Variants in CYB5B observed in about 807,000 individuals in gnomAD.
CYB5B encodes cytochrome b5 type B, also known as cytochrome b5 type B (outer mitochondrial membrane).
CYB5B carries 14 observed loss-of-function variants against 21.3 expected under a neutral mutation model. The ratio of observed to expected loss-of-function variants is 0.66; its 90% CI spans 0.43 to 1.03. The LOEUF is 1.03. Among genes scored for constraint, CYB5B ranks in the 50% least tolerant of loss-of-function variants. The pLI is 0.00. For missense variants in CYB5B, 166 were observed against 185.1 expected, an observed-to-expected ratio of 0.90 and a Z score of 0.60; for synonymous variants, 69 against 68.4, an observed-to-expected ratio of 1.01 and a Z score of -0.04.
At chr16:69,442,020 A>G (rs915395400) in intron 1 of CYB5B, among the ~76,000 whole-genome samples, 2 of 152,214 alleles carry the variant, frequency 1.3e-5, no homozygotes, top group African/African-American at 4.8e-5. Context: ...AGAATGAACA[A>G]TACAGGGAGA....
intron 3 of CYB5B, among the ~76,000 whole-genome samples, chr16:69,458,094 A>C (rs2014999311): frequency 6.6e-6 from 1 of 152,208 alleles, no homozygotes; most frequent in Admixed American, 6.5e-5. Flanking sequence ...GGAATCAATA[A>C]CTCGTTTGAT....
chr16:69,437,492 AT>A (rs1463109116), intron 1 of CYB5B, among the ~76,000 whole-genome samples: 2 of 152,328 alleles, frequency 1.3e-5, no homozygotes, highest in African/African-American at 4.8e-5. Context: ...ACTACTGAGC[AT>A]AACCCCCCCA....
chr16:69,453,123 C>T (rs2014952233), intron 3 of CYB5B, among the ~76,000 whole-genome samples: 1 of 151,888 alleles, frequency 6.6e-6, no homozygotes, highest in African/African-American at 2.4e-5. Context: ...ATAAAATTGT[C>T]TCCATAGAGG....
chr16:69,440,745 C>CGTGTGTGTGTGTGTGTGT (rs56008000), intron 1 of CYB5B, among the ~76,000 whole-genome samples: 11,340 of 146,292 alleles, frequency 0.078, 562 homozygotes, highest in African/African-American at 0.12. Context: ...GTGTGTGTTG[C>CGTGTGTGTGTGTGTGTGT]GTGTGTGTGT....
chr16:69,430,693 G>A lies in CYB5B; in HGVS notation c.174+5836G>A, dbSNP rs182345122. ...TAAAACTTTTTTTTTTTTTTTTTGA[G>A]ACAGAGTTTCACTCTTGTCGCCCAG... On this transcript the variant is annotated intron_variant, in intron 1 of 4. Coordinates refer to ENST00000307892, the MANE Select transcript of CYB5B (RefSeq NM_030579.3). 2.3e-4 allele frequency among the ~76,000 whole-genome samples: 32 copies of A among 139,102 alleles called. No homozygotes were observed. In the East Asian group the frequency reaches 6.3e-3, roughly 27 times the overall value. 91.3% of individuals were successfully genotyped at this position (139,102 alleles called of 152,430 possible). A position where few individuals can be genotyped will look rare whatever the true frequency, so the allele number is the denominator to read the frequency against.
chr16:69,450,956 T>G (rs2142822606), intron 3 of CYB5B, among the ~76,000 whole-genome samples: 1 of 152,328 alleles, frequency 6.6e-6, no homozygotes, highest in South Asian at 2.1e-4. Context: ...CTAATTCTTT[T>G]AGAAAACACC....
At chr16:69,445,510 A>G (rs2014868936) in intron 1 of CYB5B, among the ~76,000 whole-genome samples, 2 of 152,246 alleles carry the variant, frequency 1.3e-5, no homozygotes, top group African/African-American at 4.8e-5. Context: ...AGTAAAAAGC[A>G]TTAATATTTC....
intron 3 of CYB5B, chr16:69,449,096 G>A (rs1040087073): frequency 1.3e-5 from 2 of 152,064 alleles, no homozygotes; most frequent in Non-Finnish European, 2.9e-5. Flanking sequence ...CTGCTACTCT[G>A]AACTATTGAA....
intron 1 of CYB5B, among the ~76,000 whole-genome samples, chr16:69,438,514 A>G (rs1307235318): frequency 6.7e-6 from 1 of 149,202 alleles, no homozygotes; most frequent in Non-Finnish European, 1.5e-5. Flanking sequence ...CCCACCAGCA[A>G]TGTACAAAGA....
At chr16:69,448,746 C>A (rs2014902958) in intron 3 of CYB5B, 1 of 152,402 alleles carries the variant, frequency 6.6e-6, no homozygotes, top group South Asian at 2.1e-4. Context: ...CTGCCTCCCA[C>A]ATGCTAGGTG....
At chr16:69,441,061 C>T (rs958362974) in intron 1 of CYB5B, among the ~76,000 whole-genome samples, 1 of 151,524 alleles carries the variant, frequency 6.6e-6, no homozygotes, top group African/African-American at 2.4e-5. Flanking sequence ...TCATTTGTAA[C>T]ATTTTGCAAG....
chr16:69,428,538 C>G (rs1330192536), intron 1 of CYB5B, among the ~76,000 whole-genome samples: 1 of 152,094 alleles, frequency 6.6e-6, no homozygotes, highest in Non-Finnish European at 1.5e-5. Context: ...TGCCTGTACT[C>G]TCATCTACTT....
At chr16:69,439,324 C>T (rs769448138) in intron 1 of CYB5B, among the ~76,000 whole-genome samples, 5 of 152,108 alleles carry the variant, frequency 3.3e-5, no homozygotes, top group Non-Finnish European at 5.9e-5. Flanking sequence ...GATTCGACTG[C>T]CTCAGCCTCC....
intron 1 of CYB5B, among the ~76,000 whole-genome samples, chr16:69,437,299 A>G (rs1310903488): frequency 6.6e-6 from 1 of 152,218 alleles, no homozygotes; most frequent in Non-Finnish European, 1.5e-5. Context: ...CATTAGTGTT[A>G]AAGTACAAAG....
chr16:69,429,735 A>G (rs1349789554), intron 1 of CYB5B, among the ~76,000 whole-genome samples: 2 of 152,200 alleles, frequency 1.3e-5, no homozygotes, highest in Non-Finnish European at 2.9e-5. Context: ...AAAATGAGTC[A>G]AGGATAACAC....
intron 1 of CYB5B, among the ~76,000 whole-genome samples, chr16:69,427,380 G>T (rs2014658815): frequency 6.6e-6 from 1 of 151,724 alleles, no homozygotes; most frequent in African/African-American, 2.4e-5. Context: ...AGTAATAGTT[G>T]CTAACCTGTT....
chr16:69,430,379 C>A (rs1487626221), intron 1 of CYB5B, among the ~76,000 whole-genome samples: 3 of 152,114 alleles, frequency 2.0e-5, no homozygotes, highest in East Asian at 3.9e-4. Flanking sequence ...CCACACCCTG[C>A]TAATTTTTTT....
intron 1 of CYB5B, among the ~76,000 whole-genome samples, chr16:69,425,744 A>G (rs555483858): frequency 6.6e-6 from 1 of 152,260 alleles, no homozygotes; most frequent in East Asian, 1.9e-4. Flanking sequence ...ACCCCAGGCA[A>G]CTAGTGATAT....
chr16:69,441,347 G>T (rs1274534482), intron 1 of CYB5B, among the ~76,000 whole-genome samples: 1 of 151,722 alleles, frequency 6.6e-6, no homozygotes, highest in Non-Finnish European at 1.5e-5. Context: ...GTACAGACAG[G>T]GTTTCACCAT....
Sources: gnomAD v4.1 joint callset for allele counts (sites outside exome capture counted in the v4.1 genomes callset) on GRCh38, gnomAD v4.1.1 for gene constraint, MANE v1.5 for transcripts, NCBI Gene and HGNC (gene_info 2026-07-23, HGNC 2026-07-21) for gene names.